GRIN2A: variants seen among roughly 807,000 people sequenced by gnomAD.
The protein encoded by GRIN2A is glutamate ionotropic receptor NMDA type subunit 2A, also known as glutamate receptor ionotropic, NMDA 2A.
In GRIN2A, 22 loss-of-function variants were observed where a neutral mutation model predicts 113.4. The ratio of observed to expected loss-of-function variants is 0.19; its 90% CI spans 0.14 to 0.28. GRIN2A has a LOEUF of 0.28. GRIN2A is among the 10% of genes least tolerant of loss of function. The probability of loss-of-function intolerance (pLI) is 1.00; values close to 1 mark genes in which losing one functional copy is unlikely to be tolerated. For synonymous variants in GRIN2A, 827 were observed against 738.4 expected, an observed-to-expected ratio of 1.12 and a Z score of -1.94; for missense variants, 1,502 against 1,887.0, an observed-to-expected ratio of 0.80 and a Z score of 3.78.
At chr16:10,016,883 G>A (rs1305693320) in intron 2 of GRIN2A, among the ~76,000 whole-genome samples, 1 of 152,182 alleles carries the variant, frequency 6.6e-6, no homozygotes, top group Non-Finnish European at 1.5e-5. Context: ...GGATGGAGCT[G>A]GCACAGAAGA....
chr16:9,831,323 G>A (rs558484993), intron 8 of GRIN2A, among the ~76,000 whole-genome samples: 10 of 152,086 alleles, frequency 6.6e-5, no homozygotes, highest in East Asian at 3.9e-4. Flanking sequence ...CTGTATTTTC[G>A]TTGTTCTTGA....
At chr16:9,998,941 G>A (rs72774047) in intron 2 of GRIN2A, among the ~76,000 whole-genome samples, 11,588 of 152,170 alleles carry the variant, frequency 0.076, 543 homozygotes, top group Non-Finnish European at 0.11. Flanking sequence ...TAGGGGTGCG[G>A]GTAGGGGGTG....
chr16:10,014,987 C>T (rs530602657), intron 2 of GRIN2A, among the ~76,000 whole-genome samples: 1 of 152,162 alleles, frequency 6.6e-6, no homozygotes, highest in African/African-American at 2.4e-5. Flanking sequence ...GGTGTGGTGG[C>T]TCATGCCTGT....
intron 8 of GRIN2A, among the ~76,000 whole-genome samples, chr16:9,831,580 A>G (rs1421737184): frequency 1.3e-5 from 2 of 150,494 alleles, no homozygotes; most frequent in African/African-American, 4.9e-5. Flanking sequence ...CAGTGGCACA[A>G]TCTCGGCTCA....
At chr16:10,028,985 A>G (rs2046875897) in intron 2 of GRIN2A, among the ~76,000 whole-genome samples, 1 of 152,220 alleles carries the variant, frequency 6.6e-6, no homozygotes, top group South Asian at 2.1e-4. Context: ...CAAGTAATAT[A>G]GGAAAGGGGG....
intron 3 of GRIN2A, among the ~76,000 whole-genome samples, chr16:9,922,217 T>G (rs1006744784): frequency 2.6e-5 from 4 of 151,950 alleles, no homozygotes; most frequent in Non-Finnish European, 5.9e-5. Context: ...TAATTACAAG[T>G]TAATGGCCTA....
chr16:9,874,900 A>G (rs1212679544), intron 4 of GRIN2A, among the ~76,000 whole-genome samples: 3 of 151,888 alleles, frequency 2.0e-5, no homozygotes, highest in African/African-American at 7.2e-5. Context: ...AGCCTGGGCA[A>G]TCTAGCAAAA....
intron 2 of GRIN2A, among the ~76,000 whole-genome samples, chr16:10,148,276 G>C (rs891251919): frequency 2.6e-5 from 4 of 152,206 alleles, no homozygotes; most frequent in African/African-American, 9.7e-5. Flanking sequence ...GAGTTGAGTA[G>C]TTGCAACAGA....
intron 11 of GRIN2A, among the ~76,000 whole-genome samples, chr16:9,779,918 C>T (rs1189649323): frequency 6.6e-6 from 1 of 152,166 alleles, no homozygotes; most frequent in Non-Finnish European, 1.5e-5. Context: ...GGGCAGACTC[C>T]ACAGTCCTCT....
chr16:10,049,669 G>A (rs773321737), intron 2 of GRIN2A, among the ~76,000 whole-genome samples: 24 of 152,180 alleles, frequency 1.6e-4, no homozygotes, highest in Non-Finnish European at 2.1e-4. Context: ...ATGAGTCACC[G>A]CGACCAGCCC....
intron 11 of GRIN2A, among the ~76,000 whole-genome samples, chr16:9,769,742 A>G (rs1901149451): frequency 6.6e-6 from 1 of 152,234 alleles, no homozygotes; most frequent in Non-Finnish European, 1.5e-5. Flanking sequence ...GACCCAGATC[A>G]TAGTAAGTTT....
At chr16:10,051,895 G>A (rs762747748) in intron 2 of GRIN2A, among the ~76,000 whole-genome samples, 2 of 152,212 alleles carry the variant, frequency 1.3e-5, no homozygotes, top group Admixed American at 6.5e-5. Context: ...TAGGTATTTT[G>A]TAAAGACTAC....
At chr16:9,798,072 A>G (rs1332793244) in intron 11 of GRIN2A, among the ~76,000 whole-genome samples, 1 of 152,190 alleles carries the variant, frequency 6.6e-6, no homozygotes, top group African/African-American at 2.4e-5. Context: ...TCCTTAGAAT[A>G]CTTTTGTTTG....
At position 9,759,568 on chromosome 16, in the gene GRIN2A, G is replaced by T; in HGVS notation, c.*3581C>A. On this transcript the variant is annotated 3_prime_UTR_variant, in exon 13 of 13. Transcript: ENST00000330684. ...AGCGTGAAATGATTTGACAGATTTT[G>T]CTGCAATGTGTGAATTTTAATGCTT... 4.4e-6 allele frequency: 1 copy of T among 227,030 alleles called. No homozygotes were observed. The highest frequency in any genetic ancestry group is 6.3e-5 in the East Asian group (1 of 15,776). The allele number at this position is 227,030 out of a possible 1,614,324, so 14.1% of individuals were successfully genotyped here.
At chr16:10,111,861 C>T (rs987947854) in intron 2 of GRIN2A, 1 of 1,007,032 alleles carries the variant, frequency 9.9e-7, no homozygotes. Context: ...TCATCTCCTC[C>T]CGAGACATCA....
chr16:10,164,573 T>C (rs539166612), intron 2 of GRIN2A, among the ~76,000 whole-genome samples: 7 of 152,324 alleles, frequency 4.6e-5, no homozygotes, highest in African/African-American at 1.4e-4. Flanking sequence ...AAATTTTACA[T>C]ATTAAAGCAA....
At chr16:9,845,406 G>T (rs1372564641) in intron 5 of GRIN2A, among the ~76,000 whole-genome samples, 1 of 152,160 alleles carries the variant, frequency 6.6e-6, no homozygotes, top group Non-Finnish European at 1.5e-5. Context: ...CGGGGCCTCA[G>T]TTGATTGCCC....
intron 2 of GRIN2A, among the ~76,000 whole-genome samples, chr16:10,174,720 G>A (rs1466298259): frequency 6.6e-6 from 1 of 151,838 alleles, no homozygotes; most frequent in Non-Finnish European, 1.5e-5. Flanking sequence ...CAAAATAATA[G>A]ACCATCCATG....
chr16:10,064,319 C>T (rs993645339), intron 2 of GRIN2A, among the ~76,000 whole-genome samples: 4 of 152,202 alleles, frequency 2.6e-5, no homozygotes, highest in South Asian at 2.1e-4. Context: ...TCACTTCGTT[C>T]GCCCATTTTG....
Sources: gnomAD v4.1 joint callset for allele counts (sites outside exome capture counted in the v4.1 genomes callset) on GRCh38, gnomAD v4.1.1 for gene constraint, MANE v1.5 for transcripts, NCBI Gene and HGNC (gene_info 2026-07-23, HGNC 2026-07-21) for gene names.